The following NPTN variants were observed in gnomAD, a reference collection of about 807,000 sequenced individuals.
NPTN encodes the protein neuroplastin.
A neutral mutation model predicts 42.7 loss-of-function variants in NPTN; 5 were observed. The observed-to-expected ratio is 0.12, with a 90% confidence interval of 0.06 to 0.25. NPTN has a LOEUF of 0.25. Ranked by LOEUF, NPTN falls within the 10% of genes least tolerant of loss-of-function variation. NPTN has a pLI of 1.00. For synonymous variants in NPTN, 180 were observed against 201.9 expected, an observed-to-expected ratio of 0.89 and a Z score of 0.92; for missense variants, 307 against 525.4, an observed-to-expected ratio of 0.58 and a Z score of 4.06.
At chr15:73,591,395 G>A (rs1896581238) in intron 3 of NPTN, among the ~76,000 whole-genome samples, 1 of 152,168 alleles carries the variant, frequency 6.6e-6, no homozygotes, top group African/African-American at 2.4e-5. Flanking sequence ...TTGGGTGCTG[G>A]GTAACTCTAG....
chr15:73,566,745 C>G (rs1267590445), intron 6 of NPTN, among the ~76,000 whole-genome samples: 2 of 152,194 alleles, frequency 1.3e-5, no homozygotes, highest in African/African-American at 2.4e-5. Context: ...AGAGAACTAT[C>G]ATTTAACATT....
chr15:73,587,540 G>A lies in NPTN; in HGVS notation c.690C>T (p.Ala230=), dbSNP rs1896377800. 6.2e-7 allele frequency: 1 copy of A among 1,613,466 alleles called. No individual in the cohort carries two copies. ...YHFVSAPKAN[A]TIEVKAAPDI... is the part of the protein sequence containing the mutation. ...GGGTTGTACCTTTCACTTCAATGGT[G>A]GCGTTTGCTTTAGGAGCGCTGACAA... is the stretch of plus-strand genomic sequence containing the variant. Residue 230 remains alanine (A), a synonymous_variant, in exon 4 of 9, where the codon GCC becomes GCT. Transcript: ENST00000345330.
intron 1 of NPTN, among the ~76,000 whole-genome samples, chr15:73,623,616 G>A: frequency 6.6e-6 from 1 of 152,168 alleles, no homozygotes; most frequent in East Asian, 1.9e-4. Flanking sequence ...GAGCCTGGAA[G>A]GTTGATGCTG....
intron 1 of NPTN, among the ~76,000 whole-genome samples, chr15:73,632,431 C>G (rs1033161478): frequency 2.0e-5 from 3 of 151,896 alleles, no homozygotes; most frequent in Non-Finnish European, 4.4e-5. Context: ...CCCTCTTTAG[C>G]AAACCCAGCC....
chr15:73,592,209 C>T (rs1347737214), intron 2 of NPTN, 72 bp from the exon 3 acceptor site: 28 of 1,378,580 alleles, frequency 2.0e-5, no homozygotes, highest in African/African-American at 5.7e-5. Flanking sequence ...GAGAGTTGGA[C>T]GGGGTAGGAG....
intron 2 of NPTN, among the ~76,000 whole-genome samples, chr15:73,596,486 G>T (rs1896840328): frequency 6.6e-6 from 1 of 152,134 alleles, no homozygotes; most frequent in Non-Finnish European, 1.5e-5. Flanking sequence ...AACCATAGAG[G>T]TGAAGGCAGC....
chr15:73,562,581 T>C (rs1176679747), intron 7 of NPTN, among the ~76,000 whole-genome samples: 1 of 152,214 alleles, frequency 6.6e-6, no homozygotes, highest in Non-Finnish European at 1.5e-5. Context: ...GTTTGTCTGC[T>C]TCTCACTCTT....
chr15:73,619,030 G>C (rs1364585786), intron 1 of NPTN, among the ~76,000 whole-genome samples: 1 of 144,194 alleles, frequency 6.9e-6, no homozygotes, highest in Non-Finnish European at 1.5e-5. Context: ...CTGCACTCCA[G>C]CCTGGGCAAA....
chr15:73,610,375 C>T (rs1410150366), intron 1 of NPTN, among the ~76,000 whole-genome samples: 1 of 152,208 alleles, frequency 6.6e-6, no homozygotes, highest in Admixed American at 6.5e-5. Flanking sequence ...GGATTACAGG[C>T]ATGAGCCACT....
At chr15:73,602,692 C>T (rs1288120710) in intron 1 of NPTN, among the ~76,000 whole-genome samples, 1 of 152,164 alleles carries the variant, frequency 6.6e-6, no homozygotes, top group Non-Finnish European at 1.5e-5. Flanking sequence ...AAGGGTAAGG[C>T]AGGCTTGAAG....
At chr15:73,629,655 T>A (rs13380155) in intron 1 of NPTN, among the ~76,000 whole-genome samples, 24,787 of 151,974 alleles carry the variant, frequency 0.16, 3,125 homozygotes, top group African/African-American at 0.35. Context: ...AGTGTTAATT[T>A]TGTGATGTCA....
In NPTN at chr15:73,580,421, AATATAT is replaced by A. The variant is rs1164023098; in HGVS notation, c.707-6632_707-6627del. On this transcript the variant is annotated intron_variant, in intron 4 of 8. Coordinates refer to ENST00000345330, the MANE Select transcript of NPTN (RefSeq NM_012428.4). Reference sequence around the variant, plus strand: ...TATATTATATATATAATATATATATAATATATATATAATATATATAATATATATGTA... The same window carrying A: ...TATATTATATATATAATATATATATAATATAATATATATAATATATATGTA... Among the ~76,000 whole-genome samples the A allele has an allele frequency of 2.8e-5, 3 of 107,312 alleles. No homozygotes were observed. The Admixed American group carries it at 3.3e-4, about 12-fold the overall frequency. The allele number at this position is 107,312 out of a possible 152,430, so 70.4% of individuals were successfully genotyped here. A position where few individuals can be genotyped will look rare whatever the true frequency, so the allele number is the denominator to read the frequency against.
intron 6 of NPTN, 97 bp from the exon 7 acceptor site, chr15:73,563,354 G>C (rs1222322179): frequency 2.7e-5 from 42 of 1,561,332 alleles, no homozygotes; most frequent in East Asian, 4.6e-5. Context: ...ATAGCAAACT[G>C]CAAGTGGCAA....
chr15:73,620,244 G>A (rs1898068998), intron 1 of NPTN, among the ~76,000 whole-genome samples: 1 of 152,204 alleles, frequency 6.6e-6, no homozygotes, highest in Non-Finnish European at 1.5e-5. Context: ...TTTAATGCAT[G>A]TCAACAAAAA....
At chr15:73,610,939 A>T (rs1368089903) in intron 1 of NPTN, among the ~76,000 whole-genome samples, 3 of 152,220 alleles carry the variant, frequency 2.0e-5, no homozygotes, top group Non-Finnish European at 2.9e-5. Flanking sequence ...AAAATTGAGG[A>T]TGCTCAGCAG....
chr15:73,576,752 A>T (rs959757682), intron 4 of NPTN, among the ~76,000 whole-genome samples: 1 of 152,234 alleles, frequency 6.6e-6, no homozygotes, highest in Non-Finnish European at 1.5e-5. Context: ...ACTTTTTAAC[A>T]GTCTTATCTG....
At chr15:73,562,582 T>C (rs1369018463) in intron 7 of NPTN, among the ~76,000 whole-genome samples, 1 of 152,206 alleles carries the variant, frequency 6.6e-6, no homozygotes, top group Non-Finnish European at 1.5e-5. Flanking sequence ...TTTGTCTGCT[T>C]CTCACTCTTT....
chr15:73,589,161 A>G (rs1304592701), intron 3 of NPTN, among the ~76,000 whole-genome samples: 1 of 151,964 alleles, frequency 6.6e-6, no homozygotes, highest in African/African-American at 2.4e-5. Flanking sequence ...GCGAAACGCT[A>G]TCTCTACAAG....
At position 73,615,824 on chromosome 15, in the gene NPTN, T is replaced by C. The variant is rs190735964; in HGVS notation, c.91+17301A>G. Among the ~76,000 whole-genome samples the C allele has an allele frequency of 1.4e-3, 215 of 152,206 alleles. 1 individual carries two copies. The highest frequency in any genetic ancestry group is 2.5e-3 in the Admixed American group (38 of 15,298). ...AGTTCTTACTGACAGATCTCCAAGA[T>C]GGTTACTAAAATGATACGCCCCTAA... On this transcript the variant is annotated intron_variant, in intron 1 of 8. Coordinates refer to ENST00000345330, the MANE Select transcript of NPTN (RefSeq NM_012428.4).
Sources: allele counts gnomAD v4.1 joint callset (sites outside exome capture counted in the v4.1 genomes callset), GRCh38; gene constraint gnomAD v4.1.1; transcripts MANE v1.5; gene names NCBI Gene and HGNC (gene_info 2026-07-23, HGNC 2026-07-21).